Variants in MMP9 observed in about 807,000 individuals in gnomAD.
MMP9 encodes matrix metalloproteinase-9.
In MMP9, 73 loss-of-function variants were observed where a neutral mutation model predicts 76.4. That is an observed-to-expected ratio of 0.96 (90% confidence interval 0.79 to 1.16). The LOEUF (loss-of-function observed/expected upper bound fraction) is 1.16. Ranked by LOEUF, MMP9 falls within the 50% of genes most tolerant of loss-of-function variation. The pLI is 0.00. For missense variants in MMP9, 943 were observed against 973.0 expected, an observed-to-expected ratio of 0.97 and a Z score of 0.41; for synonymous variants, 412 against 408.4, an observed-to-expected ratio of 1.01 and a Z score of -0.11.
chr20:46,014,674 C>T (rs1697254003), intron 12 of MMP9, 200 bp downstream of exon 12: 1 of 636,252 alleles, frequency 1.6e-6, no homozygotes, highest in African/African-American at 1.8e-5. Flanking sequence ...CCCAGATTTC[C>T]TGCCTCCCCG....
At chr20:46,009,518 G>A (rs1386002635) in intron 1 of MMP9, among the ~76,000 whole-genome samples, 2 of 152,054 alleles carry the variant, frequency 1.3e-5, no homozygotes, top group Non-Finnish European at 1.5e-5. Context: ...TGGGCATGAC[G>A]GCTCACACTT....
At chr20:46,010,843 C>T in intron 3 of MMP9, 79 bp from the exon 4 acceptor site, 1 of 1,611,512 alleles carries the variant, frequency 6.2e-7, no homozygotes, top group Non-Finnish European at 8.5e-7. Context: ...GCACTTATTT[C>T]GGAGCCCTTG....
At chr20:46,016,109 G>T in intron 12 of MMP9, 141 bp from the exon 13 acceptor site, 1 of 836,504 alleles carries the variant, frequency 1.2e-6, no homozygotes, top group Non-Finnish European at 2.1e-6. Context: ...CATCTCACAG[G>T]TTGGGGGGAT....
Position 46,012,537 on chromosome 20 carries a change from C to T in MMP9, c.1285C>T (p.Pro429Ser), listed in dbSNP as rs765897608. The T allele has an allele frequency of 6.2e-7, 1 of 1,614,072 alleles. No individual in the cohort carries two copies. The change falls in exon 8 of 13, where the codon CCC becomes TCC. Residue 429 changes from proline (P) to serine (S), a missense_variant. Coordinates refer to ENST00000372330, the MANE Select transcript of MMP9 (RefSeq NM_004994.3). ...MYPMYRFTEG[P>S]PLHKDDVNGI... is the part of the protein sequence containing the mutation. Reference sequence around the variant, plus strand: ...CCCTATGTACCGCTTCACTGAGGGGCCCCCCTTGCATAAGGACGACGTGAA... The same window carrying T: ...CCCTATGTACCGCTTCACTGAGGGGTCCCCCTTGCATAAGGACGACGTGAA...
rs751532554 is a variant in MMP9, at chr20:46,008,919, C to T, written c.-8C>T. The T allele has an allele frequency of 2.5e-6, 4 of 1,612,722 alleles. No homozygotes were observed. Among genetic ancestry groups the T allele is most frequent in the Non-Finnish European group, 3.4e-6 (4 of 1,179,930 alleles). ...CAGCAGCTGCAGTCAGACACCTCTGCCCTCACCATGAGCCTCTGGCAGCCC... is the reference window on the plus strand; with the variant it reads ...CAGCAGCTGCAGTCAGACACCTCTGTCCTCACCATGAGCCTCTGGCAGCCC... On this transcript the variant is annotated 5_prime_UTR_variant, in exon 1 of 13. Transcript: ENST00000372330.
At chr20:46,011,444 T>C in intron 5 of MMP9, 128 bp downstream of exon 5, 1 of 1,568,988 alleles carries the variant, frequency 6.4e-7, no homozygotes, top group South Asian at 1.1e-5. Context: ...GGCCCAATTT[T>C]CTCATCTGAG....
chr20:46,011,994 C>G (rs1007663594), intron 6 of MMP9, 143 bp from the exon 7 acceptor site: 1 of 1,196,328 alleles, frequency 8.4e-7, no homozygotes, highest in African/African-American at 1.5e-5. Flanking sequence ...GTCCCAGGCA[C>G]CGCCCACGGG....
chr20:46,010,233 C>T lies in MMP9; in HGVS notation c.371+135C>T. 21 of 903,530 alleles carry T rather than the reference C, an allele frequency of 2.3e-5. No individual in the cohort carries two copies. In the South Asian group the frequency reaches 3.4e-4, roughly 15 times the overall value. The allele number at this position is 903,530 out of a possible 1,614,324, so 56.0% of individuals were successfully genotyped here. A position where few individuals can be genotyped will look rare whatever the true frequency, so the allele number is the denominator to read the frequency against. ...AATGTGTGGCCCCTGGGGAGTGTCC[C>T]CACCTCTGAGCCTCTGTTTCTCCTT... On this transcript the variant is annotated intron_variant, in intron 2 of 12. Coordinates refer to ENST00000372330, the MANE Select transcript of MMP9 (RefSeq NM_004994.3).
intron 12 of MMP9, among the ~76,000 whole-genome samples, chr20:46,014,974 A>C (rs2084309806): frequency 1.3e-5 from 2 of 152,098 alleles, no homozygotes; most frequent in Admixed American, 1.3e-4. Context: ...TGCCACCAAA[A>C]TCTTTTTCGA....
Position 46,016,262 on chromosome 20 carries a change from T to G in MMP9, c.2018T>G (p.Phe673Cys). ...CTGTCTCCTGCAGAGAAAGCCTATT[T>G]CTGCCAGGACCGCTTCTACTGGCGC... Reference protein sequence around the residue: ...DVFQYREKAYFCQDRFYWRVS... With the variant: ...DVFQYREKAYCCQDRFYWRVS... The change falls in exon 13 of 13, where the codon TTC (phenylalanine) becomes TGC (cysteine). Residue 673 changes from phenylalanine (F) to cysteine (C), a missense_variant. Physicochemically the swap from Phe to Cys is radical, Grantham distance 205. Transcript: ENST00000372330. 1 of 1,614,244 alleles carries G rather than the reference T, an allele frequency of 6.2e-7. No individual in the cohort carries two copies. Among genetic ancestry groups the G allele is most frequent in the Admixed American group, 1.7e-5 (1 of 60,032 alleles).
intron 8 of MMP9, 121 bp downstream of exon 8, chr20:46,012,703 C>T (rs1197289033): frequency 7.0e-6 from 10 of 1,421,068 alleles, no homozygotes; most frequent in African/African-American, 7.0e-5. Context: ...GGGACCTCAA[C>T]GTCTGTCTGG....
chr20:46,010,333 A>AAAAAAAAAAAAAAC lies in MMP9; in HGVS notation c.372-142_372-141insAAAAACAAAAAAAA, dbSNP rs796972949. ...GGGTCTAAGTAGACAAAAAAAAAAA[A>AAAAAAAAAAAAAAC]AAAAAAAACAGTCTGGAAGCAATTT... On this transcript the variant is annotated intron_variant, in intron 2 of 12. Transcript: ENST00000372330. 6 of 828,802 alleles carry AAAAAAAAAAAAAAC rather than the reference A, an allele frequency of 7.2e-6. No individual in the cohort carries two copies. In the African/African-American group the frequency reaches 1.1e-4, roughly 15 times the overall value. The allele number at this position is 828,802 out of a possible 1,614,324, so 51.3% of individuals were successfully genotyped here. A position where few individuals can be genotyped will look rare whatever the true frequency, so the allele number is the denominator to read the frequency against.
chr20:46,015,706 C>T (rs1160520440), intron 12 of MMP9, among the ~76,000 whole-genome samples: 1 of 152,196 alleles, frequency 6.6e-6, no homozygotes, highest in African/African-American at 2.4e-5. Context: ...CCGCCTCAGC[C>T]TCCCAAAGTG....
chr20:46,013,543 G>C lies in MMP9; in HGVS notation c.1610+9G>C. ...TATTTGTTCAAGGATGGGTGAGGAG[G>C]CGGGGTTGTGTGGATGCGGGAGGGG... On this transcript the variant is annotated intron_variant, in intron 9 of 12. Coordinates refer to ENST00000372330, the MANE Select transcript of MMP9 (RefSeq NM_004994.3). The surrounding 1 kb of genome is among the most constrained non-coding windows in gnomAD (Gnocchi z 4.5). 6.2e-7 allele frequency: 1 copy of C among 1,613,580 alleles called. No homozygotes were observed. Among genetic ancestry groups the C allele is most frequent in the Non-Finnish European group, 8.5e-7 (1 of 1,179,644 alleles).
rs200924143 is a variant in MMP9 at position 46,013,804 on chromosome 20, A to G, written c.1750+8A>G. 3 of 1,612,110 alleles carry G rather than the reference A, an allele frequency of 1.9e-6. No individual in the cohort carries two copies. The highest frequency in any genetic ancestry group is 2.5e-6 in the Non-Finnish European group (3 of 1,179,864). ...AGCTTTTCTTCTTCTCTGGTTAGTTACCTACTTTCCCTCCCCCGCCCGGTC... is the reference window on the plus strand; with the variant it reads ...AGCTTTTCTTCTTCTCTGGTTAGTTGCCTACTTTCCCTCCCCCGCCCGGTC... On this transcript the variant is annotated splice_region_variant and intron_variant, in intron 10 of 12. Coordinates refer to ENST00000372330, the MANE Select transcript of MMP9 (RefSeq NM_004994.3). This position sits in a 1 kb window ranked among gnomAD's most constrained non-coding sequence, Gnocchi z 4.5.
Position 46,010,388 on chromosome 20 carries a change from T to C in MMP9, c.372-95T>C, listed in dbSNP as rs544366594. On this transcript the variant is annotated intron_variant, in intron 2 of 12. Coordinates refer to ENST00000372330, the MANE Select transcript of MMP9 (RefSeq NM_004994.3). ...ATGAGAGCGTGGACGGCAGAGAGCA[T>C]TGTGTATGTTGAAGTCTCTGCGATA... 6 of 1,244,846 alleles carry C rather than the reference T, an allele frequency of 4.8e-6. No homozygotes were observed. The South Asian group carries it at 5.9e-5, about 12-fold the overall frequency. The allele number at this position is 1,244,846 out of a possible 1,614,324, so 77.1% of individuals were successfully genotyped here.
chr20:46,013,539 G>A lies in MMP9; in HGVS notation c.1610+5G>A. ...GCTGTATTTGTTCAAGGATGGGTGA[G>A]GAGGCGGGGTTGTGTGGATGCGGGA... On this transcript the variant is annotated splice_donor_5th_base_variant and intron_variant, in intron 9 of 12. Transcript: ENST00000372330. This position sits in a 1 kb window ranked among gnomAD's most constrained non-coding sequence, Gnocchi z 4.5. 1 of 1,613,774 alleles carries A rather than the reference G, an allele frequency of 6.2e-7. No homozygotes were observed. Among genetic ancestry groups the A allele is most frequent in the Non-Finnish European group, 8.5e-7 (1 of 1,179,806 alleles).
chr20:46,012,130 T>G lies in MMP9; in HGVS notation c.998-7T>G. 5 of 1,613,692 alleles carry G rather than the reference T, an allele frequency of 3.1e-6. No homozygotes were observed. Among genetic ancestry groups the G allele is most frequent in the Non-Finnish European group, 4.2e-6 (5 of 1,179,796 alleles). The stretch of plus-strand genomic sequence containing the variant: ...TCTGGCTCATCCAAGGCCTTGGGTC[T>G]CTCCAGCTGACTCGACGGTGATGGG... On this transcript the variant is annotated splice_polypyrimidine_tract_variant and splice_region_variant and intron_variant, in intron 6 of 12. Transcript: ENST00000372330.
chr20:46,011,885 A>C, intron 6 of MMP9, 138 bp downstream of exon 6: 1 of 1,150,926 alleles, frequency 8.7e-7, no homozygotes, highest in Non-Finnish European at 1.2e-6. Flanking sequence ...GCCCACCTAC[A>C]CCACATTTCC....
Sources: allele counts gnomAD v4.1 joint callset (sites outside exome capture counted in the v4.1 genomes callset), GRCh38; gene constraint gnomAD v4.1.1; non-coding constraint Gnocchi (gnomAD v3.1); transcripts MANE v1.5; gene names NCBI Gene and HGNC (gene_info 2026-07-23, HGNC 2026-07-21).